PCDH15: variants seen among roughly 807,000 people sequenced by gnomAD.
The protein encoded by PCDH15 is protocadherin-15.
A neutral mutation model predicts 178.5 loss-of-function variants in PCDH15; 129 were observed. The ratio of observed to expected loss-of-function variants is 0.72; its 90% CI spans 0.63 to 0.84. The LOEUF is 0.84. PCDH15 is among the 40% of genes least tolerant of loss of function. The pLI, the probability that PCDH15 is intolerant of heterozygous loss-of-function variation, is 0.00. For missense variants in PCDH15, 2,230 were observed against 2,099.9 expected, an observed-to-expected ratio of 1.06 and a Z score of -1.21; for synonymous variants, 800 against 732.0, an observed-to-expected ratio of 1.09 and a Z score of -1.50.
intron 2 of PCDH15, among the ~76,000 whole-genome samples, chr10:54,980,357 T>C (rs1839200089): frequency 6.6e-6 from 1 of 152,126 alleles, no homozygotes; most frequent in South Asian, 2.1e-4. Flanking sequence ...GAGTAAATAC[T>C]CTTTTTTTAA....
chr10:54,737,214 G>A (rs16906482), intron 1 of PCDH15, among the ~76,000 whole-genome samples: 19,027 of 152,014 alleles, frequency 0.13, 1,347 homozygotes, highest in African/African-American at 0.18. Context: ...TGCTGGCGCT[G>A]ACCCAGTGGC....
At chr10:55,177,877 T>TA (rs71014460) in intron 1 of PCDH15, among the ~76,000 whole-genome samples, 1 of 151,946 alleles carries the variant, frequency 6.6e-6, no homozygotes, top group Non-Finnish European at 1.5e-5. Flanking sequence ...GGATTTTTTT[T>TA]ATAGAACAAG....
chr10:55,495,286 C>T (rs112027938), intron 2 of PCDH15, among the ~76,000 whole-genome samples: 3 of 151,416 alleles, frequency 2.0e-5, no homozygotes, highest in African/African-American at 4.8e-5. Context: ...AATTAAAAAC[C>T]CTTATGCTAC....
At chr10:54,830,906 G>A (rs931084471) in intron 3 of PCDH15, among the ~76,000 whole-genome samples, 3 of 151,908 alleles carry the variant, frequency 2.0e-5, no homozygotes, top group Non-Finnish European at 1.5e-5. Context: ...TCAACTTCTA[G>A]TACCTCACAA....
At chr10:54,233,128 G>A (rs900368738) in intron 9 of PCDH15, among the ~76,000 whole-genome samples, 1 of 151,636 alleles carries the variant, frequency 6.6e-6, no homozygotes, top group African/African-American at 2.4e-5. Context: ...ATTTTTTGTA[G>A]AGACAGGGTT....
At chr10:54,908,092 C>T (rs563855116) in intron 2 of PCDH15, among the ~76,000 whole-genome samples, 14 of 152,332 alleles carry the variant, frequency 9.2e-5, no homozygotes, top group African/African-American at 3.1e-4. Context: ...GCCAGTGGTG[C>T]CTTTGCCTGA....
intron 2 of PCDH15, among the ~76,000 whole-genome samples, chr10:55,327,731 T>A (rs1329400018): frequency 6.6e-6 from 1 of 152,100 alleles, no homozygotes; most frequent in Non-Finnish European, 1.5e-5. Flanking sequence ...AAGTTTTGAA[T>A]TTAACATATG....
intron 1 of PCDH15, among the ~76,000 whole-genome samples, chr10:55,206,141 C>G (rs1840394517): frequency 6.6e-6 from 1 of 151,932 alleles, no homozygotes. Flanking sequence ...TTTGAGATGA[C>G]ACATTATACA....
intron 1 of PCDH15, among the ~76,000 whole-genome samples, chr10:54,756,043 C>T (rs984721971): frequency 8.7e-6 from 1 of 114,688 alleles, no homozygotes; most frequent in Non-Finnish European, 1.8e-5. Flanking sequence ...GTGAAACCCC[C>T]GTCTCTACTA....
At chr10:55,252,885 T>A (rs1008219495) in intron 1 of PCDH15, among the ~76,000 whole-genome samples, 4 of 152,092 alleles carry the variant, frequency 2.6e-5, no homozygotes, top group Admixed American at 2.0e-4. Context: ...TTAAAAACTG[T>A]CTAAAATAAT....
chr10:55,515,488 A>G (rs1840991075), intron 2 of PCDH15, among the ~76,000 whole-genome samples: 4 of 152,056 alleles, frequency 2.6e-5, no homozygotes, highest in Admixed American at 2.0e-4. Flanking sequence ...TTTTCCCACT[A>G]TTGTTTGGAA....
intron 1 of PCDH15, among the ~76,000 whole-genome samples, chr10:54,702,109 T>C (rs1242086673): frequency 6.6e-6 from 1 of 151,994 alleles, no homozygotes; most frequent in African/African-American, 2.4e-5. Flanking sequence ...AACTGCACTG[T>C]CAGACCACAG....
chr10:55,020,394 A>G (rs1479146842), intron 2 of PCDH15, among the ~76,000 whole-genome samples: 1 of 151,842 alleles, frequency 6.6e-6, no homozygotes, highest in Non-Finnish European at 1.5e-5. Context: ...AAAAAAAAAA[A>G]GAAGACTTGA....
intron 2 of PCDH15, among the ~76,000 whole-genome samples, chr10:55,430,472 C>A (rs1838856602): frequency 6.6e-6 from 1 of 152,010 alleles, no homozygotes; most frequent in Non-Finnish European, 1.5e-5. Flanking sequence ...TGGCTTGAAC[C>A]TCATTGTTGT....
intron 1 of PCDH15, among the ~76,000 whole-genome samples, chr10:55,182,979 T>C (rs1465503902): frequency 6.6e-6 from 1 of 151,950 alleles, no homozygotes; most frequent in Non-Finnish European, 1.5e-5. Flanking sequence ...GATAGAAACA[T>C]GTAGCACTAC....
intron 2 of PCDH15, among the ~76,000 whole-genome samples, chr10:55,446,199 G>A (rs537488654): frequency 3.6e-4 from 53 of 149,128 alleles, no homozygotes; most frequent in African/African-American, 1.3e-3. Flanking sequence ...ACACTCACAC[G>A]AACACACACA....
chr10:54,036,214 T>C (rs1377674074), intron 18 of PCDH15, among the ~76,000 whole-genome samples: 1 of 151,944 alleles, frequency 6.6e-6, no homozygotes, highest in East Asian at 1.9e-4. Flanking sequence ...AGCTAAGATA[T>C]TTGTAGAGGG....
chr10:54,841,817 T>G (rs546400568), intron 3 of PCDH15, among the ~76,000 whole-genome samples: 1 of 151,946 alleles, frequency 6.6e-6, no homozygotes, highest in African/African-American at 2.4e-5. Flanking sequence ...TACAATCATT[T>G]TTTGAAGACA....
rs1589423306 is a variant in PCDH15, at chr10:54,440,486, A to C, written c.158-61544T>G. On this transcript the variant is annotated intron_variant, in intron 3 of 37. Transcript: ENST00000644397. ...TTTCATCAATCAACAAATAAATTCT[A>C]GAGGATTCTAGATACATTTATTTGG... Among the ~76,000 whole-genome samples, 3 of 151,968 alleles carry C rather than the reference A, an allele frequency of 2.0e-5. No individual in the cohort carries two copies. The East Asian group carries it at 5.8e-4, about 29-fold the overall frequency.
Sources: allele counts gnomAD v4.1 joint callset (sites outside exome capture counted in the v4.1 genomes callset), GRCh38; gene constraint gnomAD v4.1.1; transcripts MANE v1.5; gene names NCBI Gene and HGNC (gene_info 2026-07-23, HGNC 2026-07-21).